OPCML: variants seen among roughly 807,000 people sequenced by gnomAD.
OPCML encodes the protein opioid binding protein/cell adhesion molecule like, also known as opioid-binding protein/cell adhesion molecule.
Under a neutral mutation model 37.8 loss-of-function variants are expected in OPCML, and 13 were observed. That is an observed-to-expected ratio of 0.34 (90% CI 0.22 to 0.55). The LOEUF (loss-of-function observed/expected upper bound fraction) is 0.55, where lower values mean the gene tolerates loss of function less well. Among genes scored for constraint, OPCML ranks in the 20% least tolerant of loss-of-function variants. The pLI is 0.91. For synonymous variants in OPCML, 176 were observed against 168.8 expected (o/e 1.04, Z -0.33); for missense variants, 341 against 435.6 (o/e 0.78, Z 1.93).
intron 3 of OPCML, among the ~76,000 whole-genome samples, chr11:132,639,558 C>G (rs1364208051): frequency 1.3e-5 from 2 of 152,186 alleles, no homozygotes; most frequent in Non-Finnish European, 2.9e-5. Context: ...GTTCCTGAAT[C>G]CGAACACAAT....
intron 2 of OPCML, among the ~76,000 whole-genome samples, chr11:132,745,006 A>AAGTGAACGAGCTCCTAAAT: frequency 6.6e-6 from 1 of 152,312 alleles, no homozygotes; most frequent in African/African-American, 2.4e-5. Flanking sequence ...CTCATCCAGG[A>AAGTGAACGAGCTCCTAAAT]ACCACACCCC....
At chr11:133,511,451 C>T (rs1948155842) in intron 1 of OPCML, among the ~76,000 whole-genome samples, 1 of 152,162 alleles carries the variant, frequency 6.6e-6, no homozygotes, top group African/African-American at 2.4e-5. Flanking sequence ...CTACTACTCT[C>T]TTCCCACTTG....
chr11:133,329,004 T>C (rs1203008773), intron 1 of OPCML, among the ~76,000 whole-genome samples: 2 of 152,136 alleles, frequency 1.3e-5, no homozygotes, highest in East Asian at 1.9e-4. Flanking sequence ...ACAAAATCAA[T>C]GTACAAAAAT....
Position 132,453,366 on chromosome 11 carries a change from C to T in OPCML, c.506-16007G>A, listed in dbSNP as rs7929352. Among the ~76,000 whole-genome samples the T allele has an allele frequency of 3.3e-5, 5 of 152,236 alleles. No individual in the cohort carries two copies. The East Asian group carries it at 5.8e-4, about 18-fold the overall frequency. ...AGAAACCTGCACCAAAATGTAAATG[C>T]GTATTGAATCGCTGACATCTCCCAC... On this transcript the variant is annotated intron_variant, in intron 4 of 7. Transcript: ENST00000524381.
At position 132,972,632 on chromosome 11, in the gene OPCML, C is replaced by T. The variant is rs553261067; in HGVS notation, c.62-29622G>A. On this transcript the variant is annotated intron_variant, in intron 1 of 7. Coordinates refer to ENST00000524381, the MANE Select transcript of OPCML (RefSeq NM_001012393.5). ...TGGCATTTGGAAATGGTGACATTTT[C>T]CTTTTAATGTCTCTTTCCTCCATTT... is the stretch of plus-strand genomic sequence containing the variant. 8.7e-4 allele frequency among the ~76,000 whole-genome samples: 133 copies of T among 152,292 alleles called. 1 individual carries two copies. Among genetic ancestry groups the T allele is most frequent in the Non-Finnish European group, 1.6e-3 (108 of 68,014 alleles).
At chr11:133,034,917 G>A (rs1378848223) in intron 1 of OPCML, among the ~76,000 whole-genome samples, 1 of 152,120 alleles carries the variant, frequency 6.6e-6, no homozygotes, top group African/African-American at 2.4e-5. Flanking sequence ...CACCGGCAGA[G>A]ACATGTTCTC....
intron 1 of OPCML, among the ~76,000 whole-genome samples, chr11:133,524,826 T>C (rs1948458743): frequency 6.6e-6 from 1 of 152,212 alleles, no homozygotes; most frequent in South Asian, 2.1e-4. Context: ...CTTCTTGCCC[T>C]CATTCTGCAG....
chr11:132,969,927 A>G (rs533237123), intron 1 of OPCML, among the ~76,000 whole-genome samples: 1 of 152,060 alleles, frequency 6.6e-6, no homozygotes, highest in Non-Finnish European at 1.5e-5. Context: ...TCTCACAGGC[A>G]GTTTCTGTTG....
At chr11:133,284,937 A>C (rs1007939547) in intron 1 of OPCML, among the ~76,000 whole-genome samples, 1 of 152,066 alleles carries the variant, frequency 6.6e-6, no homozygotes, top group Non-Finnish European at 1.5e-5. Context: ...CTCTAGGAGA[A>C]CTTGGAGTCT....
At position 133,058,341 on chromosome 11, in the gene OPCML, G is replaced by A. The variant is rs546103639; in HGVS notation, c.62-115331C>T. Among the ~76,000 whole-genome samples the A allele has an allele frequency of 8.2e-4, 125 of 152,304 alleles. 1 individual carries two copies. The highest frequency in any genetic ancestry group is 6.8e-3 in the Middle Eastern group (2 of 294). ...AAGTAGCAAAAGGAGAGCAATTCCA[G>A]GTACAAACAGCATCAGAGATGCAGG... On this transcript the variant is annotated intron_variant, in intron 1 of 7. Coordinates refer to ENST00000524381, the MANE Select transcript of OPCML (RefSeq NM_001012393.5).
At chr11:133,404,501 A>G (rs7938652) in intron 1 of OPCML, among the ~76,000 whole-genome samples, 14,690 of 152,226 alleles carry the variant, frequency 0.097, 1,446 homozygotes, top group African/African-American at 0.25. Context: ...CCCAAAAAGT[A>G]AGCAAATTAT....
chr11:133,088,973 A>G (rs1044311438), intron 1 of OPCML, among the ~76,000 whole-genome samples: 2 of 152,250 alleles, frequency 1.3e-5, no homozygotes, highest in Non-Finnish European at 2.9e-5. Flanking sequence ...TTCCCATAGG[A>G]TGGCTAATAG....
intron 1 of OPCML, among the ~76,000 whole-genome samples, chr11:133,129,275 G>A (rs1013520305): frequency 1.1e-4 from 16 of 152,252 alleles, no homozygotes; most frequent in Middle Eastern, 3.4e-3. Context: ...GACCATGCAC[G>A]TAAGGGAACT....
chr11:132,734,604 T>G (rs1014637081), intron 2 of OPCML, among the ~76,000 whole-genome samples: 1 of 152,194 alleles, frequency 6.6e-6, no homozygotes, highest in Non-Finnish European at 1.5e-5. Flanking sequence ...CCTGAAACAC[T>G]TATCTAACTT....
At chr11:132,546,069 A>G (rs2096367929) in intron 3 of OPCML, among the ~76,000 whole-genome samples, 1 of 152,206 alleles carries the variant, frequency 6.6e-6, no homozygotes, top group Admixed American at 6.5e-5. Context: ...AGAAGCTTAT[A>G]TAACTAAATT....
At chr11:133,158,531 C>T (rs951174832) in intron 1 of OPCML, among the ~76,000 whole-genome samples, 2 of 151,750 alleles carry the variant, frequency 1.3e-5, no homozygotes, top group African/African-American at 4.8e-5. Context: ...GAAACCCCAT[C>T]TCTACTAAAA....
At chr11:132,873,781 TAAA>T (rs1942906355) in intron 2 of OPCML, among the ~76,000 whole-genome samples, 1 of 145,988 alleles carries the variant, frequency 6.8e-6, no homozygotes, top group Non-Finnish European at 1.5e-5. Flanking sequence ...AACAAAAAAG[TAAA>T]GAGAAGAATA....
At chr11:132,958,506 G>A (rs539362996) in intron 1 of OPCML, among the ~76,000 whole-genome samples, 2 of 152,338 alleles carry the variant, frequency 1.3e-5, no homozygotes, top group South Asian at 4.1e-4. Context: ...CTTCAGTGTA[G>A]CTGAAGCAAC....
chr11:133,330,273 T>C (rs1438910789), intron 1 of OPCML, among the ~76,000 whole-genome samples: 1 of 152,208 alleles, frequency 6.6e-6, no homozygotes. Flanking sequence ...TGGAAGTCAG[T>C]GTGGCGATTC....
Sources: gnomAD v4.1 joint callset for allele counts (sites outside exome capture counted in the v4.1 genomes callset) on GRCh38, gnomAD v4.1.1 for gene constraint, MANE v1.5 for transcripts, NCBI Gene and HGNC (gene_info 2026-07-23, HGNC 2026-07-21) for gene names.